Variants in KIAA0232 observed in about 807,000 individuals in gnomAD.
KIAA0232 encodes the protein KIAA0232.
In KIAA0232, 27 loss-of-function variants were observed where a neutral mutation model predicts 122.0. That is an observed-to-expected ratio of 0.22 (90% CI 0.16 to 0.31). KIAA0232 has a LOEUF of 0.31. Ranked by LOEUF, KIAA0232 falls within the 10% of genes least tolerant of loss-of-function variation. The pLI, the probability that KIAA0232 is intolerant of heterozygous loss-of-function variation, is 1.00. For synonymous variants in KIAA0232, 613 were observed against 587.6 expected, an observed-to-expected ratio of 1.04 and a Z score of -0.63; for missense variants, 1,551 against 1,634.2, an observed-to-expected ratio of 0.95 and a Z score of 0.88.
At chr4:6,822,685 G>C (rs917606261) in intron 2 of KIAA0232, among the ~76,000 whole-genome samples, 2 of 151,910 alleles carry the variant, frequency 1.3e-5, no homozygotes, top group South Asian at 4.2e-4. Flanking sequence ...TGTTAATTTG[G>C]GGGGAAGCCA....
chr4:6,871,446 A>G, intron 7 of KIAA0232, 128 bp from the exon 8 acceptor site: 4 of 600,992 alleles, frequency 6.7e-6, no homozygotes, highest in Non-Finnish European at 8.8e-6. Context: ...AAAGAAAGAA[A>G]GAAAAATCAA....
chr4:6,797,304 G>T (rs536233848), intron 1 of KIAA0232, among the ~76,000 whole-genome samples: 1 of 152,314 alleles, frequency 6.6e-6, no homozygotes, highest in South Asian at 2.1e-4. Context: ...TGGCTAAAGT[G>T]GGGTCAGAGC....
At chr4:6,858,343 A>T in intron 5 of KIAA0232, 82 bp from the exon 6 acceptor site, 2 of 775,188 alleles carry the variant, frequency 2.6e-6, no homozygotes, top group Non-Finnish European at 4.1e-6. Flanking sequence ...TCTTGTTAAA[A>T]TTAGTTGAGA....
At chr4:6,788,264 C>T (rs149249472) in intron 1 of KIAA0232, among the ~76,000 whole-genome samples, 21 of 152,070 alleles carry the variant, frequency 1.4e-4, no homozygotes, top group East Asian at 3.9e-4. Context: ...GTAATCTGCC[C>T]GCCTTGGCCT....
chr4:6,837,782 C>G (rs558120977), intron 3 of KIAA0232, among the ~76,000 whole-genome samples: 3 of 152,146 alleles, frequency 2.0e-5, no homozygotes, highest in African/African-American at 7.2e-5. Flanking sequence ...GCGTGGGCGG[C>G]GCGTGCCAGC....
rs781197062 is a variant in KIAA0232 at position 6,863,640 on chromosome 4, C to G, written c.3258C>G (p.His1086Gln). The G allele has an allele frequency of 6.2e-7, 1 of 1,614,174 alleles. No homozygotes were observed. Among genetic ancestry groups the G allele is most frequent in the Admixed American group, 1.7e-5 (1 of 60,014 alleles). Residue 1086 changes from histidine (H) to glutamine (Q), a missense_variant, in exon 7 of 10, where the codon CAC becomes CAG. This residue lies in a region of KIAA0232 where 1,108 missense variants were observed against 1,154.8 expected (regional missense o/e 0.96). Coordinates refer to ENST00000307659, the MANE Select transcript of KIAA0232 (RefSeq NM_014743.3). ...CTGATTCAGACAGTGAAGTGTTTCA[C>G]CCCAGGATATGTGGTGTTGACAGAA... Reference protein sequence around the residue: ...LCSDSDSEVFHPRICGVDRTQ... With the variant: ...LCSDSDSEVFQPRICGVDRTQ...
intron 4 of KIAA0232, among the ~76,000 whole-genome samples, chr4:6,854,129 G>A (rs1720448347): frequency 6.6e-6 from 1 of 152,186 alleles, no homozygotes; most frequent in Non-Finnish European, 1.5e-5. Context: ...CATTTTTGAA[G>A]TGATGAATCA....
chr4:6,874,562 G>T (rs951278511), intron 8 of KIAA0232, among the ~76,000 whole-genome samples: 6 of 152,202 alleles, frequency 3.9e-5, no homozygotes, highest in African/African-American at 7.2e-5. Context: ...CTCGAGTAAT[G>T]TAAGCGTCTG....
chr4:6,788,566 A>G (rs953842183), intron 1 of KIAA0232, among the ~76,000 whole-genome samples: 5 of 152,204 alleles, frequency 3.3e-5, no homozygotes, highest in Admixed American at 2.6e-4. Context: ...GTTTATATAC[A>G]TGAAGGTCTT....
rs10716163 is a variant in KIAA0232, at chr4:6,791,315, CTTTTTTTTTTTT to C, written c.-354+8491_-354+8502del. 1.1e-3 allele frequency among the ~76,000 whole-genome samples: 94 copies of C among 82,666 alleles called. 1 individual carries two copies. Among genetic ancestry groups the C allele is most frequent in the Non-Finnish European group, 1.6e-3 (74 of 46,388 alleles). 54.2% of individuals were successfully genotyped at this position (82,666 alleles called of 152,430 possible). On this transcript the variant is annotated intron_variant, in intron 1 of 9. Coordinates refer to ENST00000307659, the MANE Select transcript of KIAA0232 (RefSeq NM_014743.3). Reference sequence around the variant, plus strand: ...GGAATACAAGTAGCTGTCATAAAGCCTTTTTTTTTTTTTTTTTTTTTTTTTTTTGAGACAGGG... The same window carrying C: ...GGAATACAAGTAGCTGTCATAAAGCCTTTTTTTTTTTTTTTTGAGACAGGG...
At chr4:6,790,015 C>T (rs929665472) in intron 1 of KIAA0232, among the ~76,000 whole-genome samples, 4 of 151,384 alleles carry the variant, frequency 2.6e-5, no homozygotes, top group African/African-American at 4.9e-5. Context: ...GGTGACTGAG[C>T]GAGACCCTGT....
intron 2 of KIAA0232, among the ~76,000 whole-genome samples, chr4:6,807,320 A>G (rs1009482308): frequency 6.6e-6 from 1 of 152,260 alleles, no homozygotes; most frequent in South Asian, 2.1e-4. Context: ...ATCTATAAGA[A>G]CAATCCTGTT....
intron 4 of KIAA0232, among the ~76,000 whole-genome samples, chr4:6,843,834 T>C (rs555533817): frequency 1.3e-5 from 2 of 151,764 alleles, no homozygotes; most frequent in Non-Finnish European, 2.9e-5. Context: ...CATGATACAT[T>C]GTGTATACCT....
intron 4 of KIAA0232, among the ~76,000 whole-genome samples, chr4:6,850,310 A>G (rs1341288939): frequency 6.6e-6 from 1 of 152,128 alleles, no homozygotes; most frequent in Non-Finnish European, 1.5e-5. Context: ...ACGCTTTCCT[A>G]ATGACTTTCC....
chr4:6,807,576 T>TA (rs1249847314), intron 2 of KIAA0232, among the ~76,000 whole-genome samples: 4 of 152,234 alleles, frequency 2.6e-5, no homozygotes, highest in Non-Finnish European at 5.9e-5. Context: ...TGTCCATTTC[T>TA]ACGTAGCTTT....
chr4:6,822,532 T>C (rs965560465), intron 2 of KIAA0232, among the ~76,000 whole-genome samples: 4 of 152,184 alleles, frequency 2.6e-5, no homozygotes, highest in Non-Finnish European at 4.4e-5. Context: ...TTAAAATTCA[T>C]GCAAAAGTTG....
rs548123417 is a variant in KIAA0232 at position 6,838,007 on chromosome 4, A to G, written c.232-4060A>G. On this transcript the variant is annotated intron_variant, in intron 3 of 9. Transcript: ENST00000307659. ...TTTAAGTTCTTTGTAGATTCTGGAT[A>G]TTAGCCCTTTGTCAGATGGATAGAT... Among the ~76,000 whole-genome samples, 862 of 152,218 alleles carry G rather than the reference A, an allele frequency of 5.7e-3. 8 individuals are homozygous for G. The highest frequency in any genetic ancestry group is 0.011 in the African/African-American group (449 of 41,524).
rs548653102 is a variant in KIAA0232, at chr4:6,883,041, G to A, written c.*2075G>A. On this transcript the variant is annotated 3_prime_UTR_variant, in exon 10 of 10. Coordinates refer to ENST00000307659, the MANE Select transcript of KIAA0232 (RefSeq NM_014743.3). ...TGGGACGGATTCGAAGTGAGCAAAGGGATTCACAAATTATGTATTTATTTG... is the reference window on the plus strand; with the variant it reads ...TGGGACGGATTCGAAGTGAGCAAAGAGATTCACAAATTATGTATTTATTTG... The A allele has an allele frequency of 1.3e-5, 2 of 152,526 alleles. No individual in the cohort carries two copies. Among genetic ancestry groups the A allele is most frequent in the East Asian group, 3.9e-4 (2 of 5,186 alleles). 9.4% of individuals were successfully genotyped at this position (152,526 alleles called of 1,614,324 possible).
intron 1 of KIAA0232, among the ~76,000 whole-genome samples, chr4:6,784,703 A>G (rs1716537160): frequency 6.6e-6 from 1 of 152,228 alleles, no homozygotes; most frequent in Non-Finnish European, 1.5e-5. Flanking sequence ...TTCCTTGGGT[A>G]TAATGGTTTT....
Sources: gnomAD v4.1 joint callset for allele counts (sites outside exome capture counted in the v4.1 genomes callset) on GRCh38, gnomAD v4.1.1 for gene constraint, gnomAD v4.1.1 regional missense constraint, MANE v1.5 for transcripts, NCBI Gene and HGNC (gene_info 2026-07-23, HGNC 2026-07-21) for gene names.